ZFPM2: variants seen among roughly 807,000 people sequenced by gnomAD.
ZFPM2 encodes zinc finger protein ZFPM2.
A neutral mutation model predicts 98.6 loss-of-function variants in ZFPM2; 20 were observed. The ratio of observed to expected loss-of-function variants is 0.20; its 90% CI spans 0.14 to 0.29. The LOEUF is 0.29. Ranked by LOEUF, ZFPM2 falls within the 10% of genes least tolerant of loss-of-function variation. ZFPM2 has a pLI of 1.00. For synonymous variants in ZFPM2, 518 were observed against 502.7 expected (o/e 1.03, Z -0.41); for missense variants, 1,310 against 1,388.6 (o/e 0.94, Z 0.90).
At chr8:105,547,688 T>A (rs1202278102) in intron 3 of ZFPM2, among the ~76,000 whole-genome samples, 9 of 152,124 alleles carry the variant, frequency 5.9e-5, no homozygotes, top group Non-Finnish European at 1.2e-4. Context: ...TAAGTCATCT[T>A]TACATTTATA....
chr8:105,382,133 A>C (rs899870694), intron 1 of ZFPM2, among the ~76,000 whole-genome samples: 1 of 152,172 alleles, frequency 6.6e-6, no homozygotes, highest in Non-Finnish European at 1.5e-5. Flanking sequence ...ACTTTGGATG[A>C]ATACAGGCTT....
At chr8:105,738,116 C>G (rs1586230287) in intron 5 of ZFPM2, among the ~76,000 whole-genome samples, 1 of 151,900 alleles carries the variant, frequency 6.6e-6, no homozygotes, top group African/African-American at 2.4e-5. Context: ...TATTTCATCA[C>G]CCAGGTATTA....
chr8:105,627,580 A>G (rs1405690172), intron 4 of ZFPM2, among the ~76,000 whole-genome samples: 1 of 152,182 alleles, frequency 6.6e-6, no homozygotes, highest in African/African-American at 2.4e-5. Context: ...ATGGAGAAAA[A>G]CTTTGTATAA....
chr8:105,614,466 C>G (rs1267416647), intron 4 of ZFPM2, among the ~76,000 whole-genome samples: 1 of 152,092 alleles, frequency 6.6e-6, no homozygotes, highest in Non-Finnish European at 1.5e-5. Context: ...CTAAAAATAG[C>G]TGAGAAATTC....
intron 3 of ZFPM2, among the ~76,000 whole-genome samples, chr8:105,531,204 G>T (rs1814290291): frequency 6.6e-6 from 1 of 152,116 alleles, no homozygotes; most frequent in Non-Finnish European, 1.5e-5. Context: ...TCTTGTATTA[G>T]TTTCCAAGGG....
intron 1 of ZFPM2, 101 bp from the exon 2 acceptor site, chr8:105,419,043 A>G (rs2130079120): frequency 9.2e-7 from 1 of 1,089,098 alleles, no homozygotes; most frequent in South Asian, 1.6e-5. Context: ...AGAGTATATT[A>G]TTTTTCTCAC....
chr8:105,490,165 T>C (rs1314414805), intron 3 of ZFPM2, among the ~76,000 whole-genome samples: 10 of 152,112 alleles, frequency 6.6e-5, no homozygotes, highest in Non-Finnish European at 1.5e-4. Flanking sequence ...GAGAATTGCT[T>C]GAACCCGGGA....
At chr8:105,702,311 G>A (rs540822897) in intron 5 of ZFPM2, among the ~76,000 whole-genome samples, 12 of 152,294 alleles carry the variant, frequency 7.9e-5, no homozygotes, top group African/African-American at 2.9e-4. Flanking sequence ...GCCTGTGTTA[G>A]GTCTTCCCAT....
intron 1 of ZFPM2, among the ~76,000 whole-genome samples, chr8:105,330,538 C>CATA (rs1812191797): frequency 1.0e-5 from 1 of 100,128 alleles, no homozygotes; most frequent in Non-Finnish European, 1.9e-5. Context: ...CTCTCTCTCT[C>CATA]TATATATATA....
chr8:105,681,891 G>A (rs908519317), intron 5 of ZFPM2, among the ~76,000 whole-genome samples: 1 of 152,022 alleles, frequency 6.6e-6, no homozygotes, highest in Non-Finnish European at 1.5e-5. Context: ...TTCCCCAGTG[G>A]ATTAAACTCT....
intron 5 of ZFPM2, chr8:105,675,953 C>T (rs921195203): frequency 2.2e-4 from 34 of 152,180 alleles, no homozygotes; most frequent in African/African-American, 8.2e-4. Context: ...AATGTGGAGC[C>T]GGAATTCAAA....
intron 5 of ZFPM2, among the ~76,000 whole-genome samples, chr8:105,754,153 C>G (rs1812543065): frequency 6.6e-6 from 1 of 151,972 alleles, no homozygotes; most frequent in Non-Finnish European, 1.5e-5. Context: ...GGGTTTGTTG[C>G]TTTAGAGTCA....
At chr8:105,331,740 T>TAAA (rs1812237568) in intron 1 of ZFPM2, among the ~76,000 whole-genome samples, 1 of 151,794 alleles carries the variant, frequency 6.6e-6, no homozygotes, top group Non-Finnish European at 1.5e-5. Flanking sequence ...CAATGGGCTT[T>TAAA]ACAGCCCTAT....
intron 5 of ZFPM2, among the ~76,000 whole-genome samples, chr8:105,706,086 G>A (rs1811253294): frequency 6.6e-6 from 1 of 151,940 alleles, no homozygotes; most frequent in African/African-American, 2.4e-5. Flanking sequence ...CCATTTTATT[G>A]ATGAAGGAGC....
intron 4 of ZFPM2, among the ~76,000 whole-genome samples, chr8:105,569,038 G>C (rs1815301034): frequency 6.6e-6 from 1 of 150,412 alleles, no homozygotes; most frequent in East Asian, 2.0e-4. Flanking sequence ...TAAAGACTCT[G>C]CTCAAAGTCA....
At chr8:105,800,272 A>G (rs1813961610) in intron 7 of ZFPM2, among the ~76,000 whole-genome samples, 1 of 152,180 alleles carries the variant, frequency 6.6e-6, no homozygotes, top group South Asian at 2.1e-4. Context: ...ATTTTACCAT[A>G]TGCTGACCAA....
Position 105,793,420 on chromosome 8 carries a change from C to G in ZFPM2, c.739+4496C>G, listed in dbSNP as rs532525096. Among the ~76,000 whole-genome samples, 340 of 152,294 alleles carry G rather than the reference C, an allele frequency of 2.2e-3. 1 individual carries two copies. The highest frequency in any genetic ancestry group is 7.8e-3 in the African/African-American group (325 of 41,566). On this transcript the variant is annotated intron_variant, in intron 6 of 7. Transcript: ENST00000407775. The stretch of plus-strand genomic sequence containing the variant: ...AGAATGTTGAATATTGGCTCCCACT[C>G]TCTTCTGGCTTGTAGAGTTTCTGCC...
chr8:105,700,742 C>T (rs13250191), intron 5 of ZFPM2, among the ~76,000 whole-genome samples: 2 of 151,922 alleles, frequency 1.3e-5, no homozygotes, highest in African/African-American at 2.4e-5. Context: ...ATTACAGCCG[C>T]GCACCACCAC....
intron 5 of ZFPM2, among the ~76,000 whole-genome samples, chr8:105,775,509 A>G (rs1813085745): frequency 6.6e-6 from 1 of 152,184 alleles, no homozygotes; most frequent in Admixed American, 6.5e-5. Flanking sequence ...GTATTTTAAT[A>G]GGCAGATGGT....
Sources: allele counts gnomAD v4.1 joint callset (sites outside exome capture counted in the v4.1 genomes callset), GRCh38; gene constraint gnomAD v4.1.1; transcripts MANE v1.5; gene names NCBI Gene and HGNC (gene_info 2026-07-23, HGNC 2026-07-21).